RPSA: variants seen among roughly 807,000 people sequenced by gnomAD.
RPSA encodes the protein ribosomal protein SA, also known as small ribosomal subunit protein uS2.
For missense variants in RPSA, 140 were observed against 372.8 expected (o/e 0.38, Z 5.14); for synonymous variants, 103 against 126.7 (o/e 0.81, Z 1.25).
chr3:39,409,391 A>G (rs756189137), intron 3 of RPSA, among the ~76,000 whole-genome samples: 1 of 151,918 alleles, frequency 6.6e-6, no homozygotes, highest in East Asian at 1.9e-4. Flanking sequence ...TAGTAGAGAC[A>G]TGGTTTTACC....
chr3:39,409,101 A>AAAAAG, intron 3 of RPSA: 1 of 114,750 alleles, frequency 8.7e-6, no homozygotes, highest in Non-Finnish European at 1.8e-5. Context: ...AAAAAAAAAG[A>AAAAAG]AAATAGAAAA....
Position 39,411,012 on chromosome 3 carries a change from G to A in RPSA, c.498+13G>A. 2 of 1,599,626 alleles carry A rather than the reference G, an allele frequency of 1.3e-6. No individual in the cohort carries two copies. The highest frequency in any genetic ancestry group is 1.7e-6 in the Non-Finnish European group (2 of 1,179,910). ...ATGCAACAACAAGGTAATGATTTTA[G>A]GATCTAGAGTTTGTGAATGCGTGCT... On this transcript the variant is annotated intron_variant, in intron 4 of 6. Coordinates refer to ENST00000301821, the MANE Select transcript of RPSA (RefSeq NM_002295.6).
chr3:39,410,795 A>G lies in RPSA; in HGVS notation c.294A>G (p.Pro98=). ...TTGCTGCTGCCACTGGAGCCACTCC[A>G]ATTGCTGGCCGCTTCACTCCTGGAA... The part of the protein sequence containing the change: ...LKFAAATGAT[P]IAGRFTPGTF... Residue 98 remains proline (P), a synonymous_variant, in exon 4 of 7, where the codon CCA becomes CCG. Transcript: ENST00000301821. 8.7e-6 allele frequency: 14 copies of G among 1,613,082 alleles called. No homozygotes were observed. Among genetic ancestry groups the G allele is most frequent in the Non-Finnish European group, 1.2e-5 (14 of 1,179,744 alleles).
At chr3:39,411,621 CT>C in intron 4 of RPSA, 27 bp from the exon 5 acceptor site, 1 of 1,609,322 alleles carries the variant, frequency 6.2e-7, no homozygotes. Flanking sequence ...CCAAGTGTCA[CT>C]TTTTAATAAT....
chr3:39,406,738 A>G lies in RPSA; in HGVS notation c.-60A>G, dbSNP rs1016866895. Reference sequence around the variant, plus strand: ...CGCCTGTCTTTTCCGTGCTACCTGCAGAGGGGTCCATACGGCGTTGTTCTG... The same window carrying G: ...CGCCTGTCTTTTCCGTGCTACCTGCGGAGGGGTCCATACGGCGTTGTTCTG... On this transcript the variant is annotated 5_prime_UTR_variant, in exon 1 of 7. Transcript: ENST00000301821. The G allele has an allele frequency of 5.6e-5, 22 of 392,188 alleles. No individual in the cohort carries two copies. Among genetic ancestry groups the G allele is most frequent in the African/African-American group, 1.5e-4 (7 of 46,660 alleles). The allele number at this position is 392,188 out of a possible 1,614,324, so 24.3% of individuals were successfully genotyped here. A position where few individuals can be genotyped will look rare whatever the true frequency, so the allele number is the denominator to read the frequency against.
chr3:39,411,163 T>A (rs767130606), intron 4 of RPSA, 164 bp downstream of exon 4: 1 of 813,024 alleles, frequency 1.2e-6, no homozygotes, highest in Admixed American at 1.7e-5. Context: ...CACAAGGGTC[T>A]CTGGCCCAAT....
At chr3:39,407,936 T>C in intron 2 of RPSA, 150 bp downstream of exon 2, 1 of 632,420 alleles carries the variant, frequency 1.6e-6, no homozygotes, top group Non-Finnish European at 2.7e-6. Context: ...ATAAATGTTC[T>C]TGTTATTGAG....
chr3:39,408,449 G>A (rs749408758), intron 2 of RPSA, 157 bp from the exon 3 acceptor site: 25 of 773,068 alleles, frequency 3.2e-5, no homozygotes, highest in Admixed American at 8.5e-5. Flanking sequence ...TCTGAGTGTC[G>A]GAAGTGTGCT....
intron 4 of RPSA, chr3:39,411,389 A>G: frequency 3.6e-6 from 2 of 562,588 alleles, no homozygotes; most frequent in Non-Finnish European, 6.4e-6. Flanking sequence ...AGATTGGTTG[A>G]TTTGTAACCC....
At chr3:39,412,186 A>C (rs997283209) in intron 6 of RPSA, 88 bp from the exon 7 acceptor site, 1 of 1,322,354 alleles carries the variant, frequency 7.6e-7, no homozygotes, top group Admixed American at 1.7e-5. Flanking sequence ...GTGCTACAGC[A>C]TCTGATAGAC....
chr3:39,410,951 A>G lies in RPSA; in HGVS notation c.450A>G (p.Thr150=), dbSNP rs996345921. 138 of 1,598,732 alleles carry G rather than the reference A, an allele frequency of 8.6e-5. 2 individuals are homozygous for G. Among genetic ancestry groups the G allele is most frequent in the Non-Finnish European group, 1.2e-4 (136 of 1,179,122 alleles). Residue 150 remains threonine, a synonymous_variant, in exon 4 of 7, where the codon ACA becomes ACG. Coordinates refer to ENST00000301821, the MANE Select transcript of RPSA (RefSeq NM_002295.6). ...VNLPTIALCN[T]DSPLRYVDIA... is the part of the protein sequence containing the mutation. ...TACCTACCATTGCGCTGTGTAACAC[A>G]GATTCTCCTCTGCGCTATGTGGACA...
chr3:39,407,871 TTCTTTCTA>T, intron 2 of RPSA, 85 bp downstream of exon 2: 2 of 1,060,832 alleles, frequency 1.9e-6, no homozygotes, highest in Non-Finnish European at 1.4e-6. Context: ...TCTGGGTAAT[TTCTTTCTA>T]TCTTCCTTAA....
intron 3 of RPSA, chr3:39,408,959 G>C (rs1017658217): frequency 2.2e-6 from 1 of 444,916 alleles, no homozygotes; most frequent in African/African-American, 2.0e-5. Flanking sequence ...GGGGGCGGGT[G>C]CCTGTAGTCC....
chr3:39,411,106 G>T, intron 4 of RPSA, 107 bp downstream of exon 4: 2 of 1,395,402 alleles, frequency 1.4e-6, no homozygotes, highest in Admixed American at 1.7e-5. Flanking sequence ...CGATGAACTC[G>T]CAAGTGTAGG....
intron 4 of RPSA, chr3:39,411,443 G>A (rs1255973760): frequency 6.7e-6 from 4 of 600,684 alleles, no homozygotes; most frequent in Non-Finnish European, 1.2e-5. Context: ...TTAAATGCCA[G>A]TGTCCAGGCA....
In RPSA at chr3:39,410,884, G is replaced by C; in HGVS notation, c.383G>C (p.Arg128Thr). ...EPRLLVVTDP[R>T]ADHQPLTEAS... ...CGGCTTCTTGTGGTTACTGACCCCA[G>C]GGCTGACCACCAGCCTCTCACGGAG... is the stretch of plus-strand genomic sequence containing the variant. Residue 128 changes from arginine to threonine, a missense_variant, in exon 4 of 7, where the codon AGG (arginine) becomes ACG (threonine). Physicochemically the swap from Arg to Thr is moderately conservative, Grantham distance 71. Coordinates refer to ENST00000301821, the MANE Select transcript of RPSA (RefSeq NM_002295.6). The C allele has an allele frequency of 1.3e-6, 2 of 1,596,152 alleles. No individual in the cohort carries two copies. Among genetic ancestry groups the C allele is most frequent in the East Asian group, 4.5e-5 (2 of 44,852 alleles).
intron 3 of RPSA, among the ~76,000 whole-genome samples, chr3:39,409,364 A>G (rs969465949): frequency 7.3e-5 from 11 of 151,612 alleles, no homozygotes; most frequent in African/African-American, 2.7e-4. Flanking sequence ...ACCATGCCTG[A>G]CTGATTTTTG....
intron 4 of RPSA, chr3:39,411,352 GC>G (rs2042003293): frequency 1.8e-6 from 1 of 570,588 alleles, no homozygotes. Context: ...ACTATAAGAT[GC>G]TAAAAAGGTG....
intron 3 of RPSA, among the ~76,000 whole-genome samples, chr3:39,409,734 C>T (rs2041978066): frequency 6.6e-6 from 1 of 152,138 alleles, no homozygotes; most frequent in African/African-American, 2.4e-5. Flanking sequence ...AATTGGGAGT[C>T]TGAGCCAGGA....
Sources: gnomAD v4.1 joint callset for allele counts (sites outside exome capture counted in the v4.1 genomes callset) on GRCh38, gnomAD v4.1.1 for gene constraint, MANE v1.5 for transcripts, NCBI Gene and HGNC (gene_info 2026-07-23, HGNC 2026-07-21) for gene names.